ADORA1: variants seen among roughly 807,000 people sequenced by gnomAD.
ADORA1 encodes the protein adenosine receptor A1.
A neutral mutation model predicts 19.9 loss-of-function variants in ADORA1; 6 were observed. The observed-to-expected ratio is 0.30, with a 90% CI of 0.17 to 0.59. The LOEUF (loss-of-function observed/expected upper bound fraction) is 0.59, where lower values mean the gene tolerates loss of function less well. ADORA1 is among the 20% of genes least tolerant of loss of function. The pLI is 0.87. For synonymous variants in ADORA1, 194 were observed against 188.4 expected (o/e 1.03, Z -0.24); for missense variants, 302 against 439.2 (o/e 0.69, Z 2.79).
intron 3 of ADORA1, 146 bp downstream of exon 3, chr1:203,129,328 C>T: frequency 7.0e-7 from 1 of 1,424,700 alleles, no homozygotes; most frequent in Non-Finnish European, 9.2e-7. Flanking sequence ...CTCTGCCTTT[C>T]CGTGCTCCGC....
Position 203,165,271 on chromosome 1 carries a change from G to A in ADORA1, c.352G>A (p.Val118Met), listed in dbSNP as rs80069893. Residue 118 changes from valine to methionine, a missense_variant, in exon 4 of 4, where the codon GTG becomes ATG. Physicochemically the swap from Val to Met is conservative, Grantham distance 21. Coordinates refer to ENST00000337894, the MANE Select transcript of ADORA1 (RefSeq NM_000674.3). This position sits in a 1 kb window ranked among gnomAD's most constrained non-coding sequence, Gnocchi z 5.9. ...RVKIPLRYKMVVTPRRAAVAI... is the reference protein window; with the variant it reads ...RVKIPLRYKMMVTPRRAAVAI... ...CCTCCTCTCCCCCAGGTACAAGATG[G>A]TGGTGACCCCCCGGAGGGCGGCGGT... 1.9e-6 allele frequency: 3 copies of A among 1,584,266 alleles called. No individual in the cohort carries two copies. Among genetic ancestry groups the A allele is most frequent in the Admixed American group, 1.8e-5 (1 of 55,498 alleles).
chr1:203,162,352 C>A (rs1045536260), intron 3 of ADORA1, among the ~76,000 whole-genome samples: 1 of 152,140 alleles, frequency 6.6e-6, no homozygotes, highest in Non-Finnish European at 1.5e-5. Flanking sequence ...ACCCCGGGGG[C>A]TCTGGGTGGT....
intron 3 of ADORA1, among the ~76,000 whole-genome samples, chr1:203,163,639 T>C (rs537175986): frequency 6.6e-6 from 1 of 152,204 alleles, no homozygotes; most frequent in East Asian, 1.9e-4. Context: ...GAAAATGAGA[T>C]TCCAAAGGTC....
chr1:203,146,267 G>A (rs1405492671), intron 3 of ADORA1, among the ~76,000 whole-genome samples: 1 of 152,152 alleles, frequency 6.6e-6, no homozygotes, highest in East Asian at 1.9e-4. Context: ...TGCAAGGCTG[G>A]TATCAACTTC....
intron 3 of ADORA1, among the ~76,000 whole-genome samples, chr1:203,148,393 A>G (rs1379749828): frequency 3.9e-5 from 6 of 152,214 alleles, no homozygotes; most frequent in Admixed American, 6.5e-5. Flanking sequence ...CTCAATGCTA[A>G]ATGGTAGCTC....
rs114611988 is a variant in ADORA1 at position 203,156,254 on chromosome 1, G to A, written c.342-9007G>A. The stretch of plus-strand genomic sequence containing the variant: ...GAAGAGAGGGTGTGAGAGAGAGGGA[G>A]GAGGGAGAGAGTCAGGAAATGCTAT... On this transcript the variant is annotated intron_variant, in intron 3 of 3. Coordinates refer to ENST00000337894, the MANE Select transcript of ADORA1 (RefSeq NM_000674.3). 6.9e-3 allele frequency among the ~76,000 whole-genome samples: 1,057 copies of A among 152,242 alleles called. 9 individuals carry two copies. The highest frequency in any genetic ancestry group is 0.024 in the African/African-American group (1,008 of 41,532).
intron 3 of ADORA1, among the ~76,000 whole-genome samples, chr1:203,161,632 C>T (rs1279582213): frequency 6.7e-6 from 1 of 149,344 alleles, no homozygotes; most frequent in African/African-American, 2.5e-5. Context: ...TGTGCAATGG[C>T]GCGATCTTGG....
At chr1:203,150,674 G>T (rs1336038699) in intron 3 of ADORA1, 2 of 1,289,858 alleles carry the variant, frequency 1.6e-6, no homozygotes, top group Non-Finnish European at 2.0e-6. Context: ...GCAGCAGGAA[G>T]AACTGAAGTT....
chr1:203,149,026 T>TGA (rs1654949556), intron 3 of ADORA1, among the ~76,000 whole-genome samples: 1 of 152,086 alleles, frequency 6.6e-6, no homozygotes, highest in Non-Finnish European at 1.5e-5. Context: ...TACAGGTGCA[T>TGA]GCCACCAAGA....
chr1:203,162,759 C>T (rs939414586), intron 3 of ADORA1, among the ~76,000 whole-genome samples: 1 of 152,200 alleles, frequency 6.6e-6, no homozygotes, highest in Non-Finnish European at 1.5e-5. Context: ...TGGGGATTCC[C>T]TTATCTGCTG....
In ADORA1 at chr1:203,161,907, C is replaced by G. The variant is rs147165895; in HGVS notation, c.342-3354C>G. Reference sequence around the variant, plus strand: ...GGCTATCTTTAAGGTACTGTCTGCCCTGCTGGCCTGTGGACGGGGCCCCTC... The same window carrying G: ...GGCTATCTTTAAGGTACTGTCTGCCGTGCTGGCCTGTGGACGGGGCCCCTC... On this transcript the variant is annotated intron_variant, in intron 3 of 3. Coordinates refer to ENST00000337894, the MANE Select transcript of ADORA1 (RefSeq NM_000674.3). Among the ~76,000 whole-genome samples, 672 of 152,294 alleles carry G rather than the reference C, an allele frequency of 4.4e-3. 6 individuals are homozygous for G. The highest frequency in any genetic ancestry group is 7.5e-3 in the Non-Finnish European group (511 of 68,020).
Position 203,165,867 on chromosome 1 carries a change from C to T in ADORA1, c.948C>T (p.Asp316=), listed in dbSNP as rs202104893. The change falls in exon 4 of 4, where the codon GAC becomes GAT. Residue 316 remains aspartate, a synonymous_variant. Coordinates refer to ENST00000337894, the MANE Select transcript of ADORA1 (RefSeq NM_000674.3). The surrounding 1 kb of genome is among the most constrained non-coding windows in gnomAD (Gnocchi z 5.9). ...GCTGCCAGCCTGCACCTCCCATTGACGAGGATCTCCCAGAAGAGAGGCCTG... is the reference window on the plus strand; with the variant it reads ...GCTGCCAGCCTGCACCTCCCATTGATGAGGATCTCCCAGAAGAGAGGCCTG... ...HFRCQPAPPI[D]EDLPEERPDD 6.4e-5 allele frequency: 101 copies of T among 1,580,278 alleles called. No individual in the cohort carries two copies. The highest frequency in any genetic ancestry group is 2.6e-4 in the South Asian group (22 of 83,858).
At chr1:203,132,046 T>G (rs780202753) in intron 3 of ADORA1, among the ~76,000 whole-genome samples, 16 of 152,182 alleles carry the variant, frequency 1.1e-4, no homozygotes, top group Non-Finnish European at 1.8e-4. Context: ...TCTTTCTACT[T>G]GGCAGAAAAC....
In ADORA1 at chr1:203,128,880, C is replaced by T. The variant is rs1303681408; in HGVS notation, c.39C>T (p.Ile13=). The change falls in exon 3 of 4, where the codon ATC becomes ATT. Residue 13 remains isoleucine, a synonymous_variant. Coordinates refer to ENST00000337894, the MANE Select transcript of ADORA1 (RefSeq NM_000674.3). This position sits in a 1 kb window ranked among gnomAD's most constrained non-coding sequence, Gnocchi z 5.9. The part of the protein sequence containing the change: ...PSISAFQAAY[I]GIEVLIALVS... ...TCTCAGCTTTCCAGGCCGCCTACAT[C>T]GGCATCGAGGTGCTCATCGCCCTGG... The T allele has an allele frequency of 6.2e-7, 1 of 1,610,166 alleles. No homozygotes were observed. The highest frequency in any genetic ancestry group is 2.2e-5 in the East Asian group (1 of 44,840).
In ADORA1 at chr1:203,129,098, C is replaced by T. The variant is rs749278208; in HGVS notation, c.257C>T (p.Pro86Leu). ...CACACCTGCCTCATGGTTGCCTGTC[C>T]GGTCCTCATCCTCACCCAGAGCTCC... ...YFHTCLMVAC[P>L]VLILTQSSIL... The change falls in exon 3 of 4, where the codon CCG (proline) becomes CTG (leucine). Residue 86 changes from proline (P) to leucine (L), a missense_variant. By Grantham distance (98) the Pro-to-Leu change is moderately conservative. Coordinates refer to ENST00000337894, the MANE Select transcript of ADORA1 (RefSeq NM_000674.3). 1.2e-6 allele frequency: 2 copies of T among 1,614,174 alleles called. No homozygotes were observed. The highest frequency in any genetic ancestry group is 1.7e-5 in the Admixed American group (1 of 60,018).
At chr1:203,163,136 C>A (rs925299087) in intron 3 of ADORA1, among the ~76,000 whole-genome samples, 1 of 152,296 alleles carries the variant, frequency 6.6e-6, no homozygotes, top group South Asian at 2.1e-4. Context: ...TTTAAATAGC[C>A]CTTAGGCTGT....
At chr1:203,136,218 C>T (rs1654502557) in intron 3 of ADORA1, among the ~76,000 whole-genome samples, 1 of 152,148 alleles carries the variant, frequency 6.6e-6, no homozygotes, top group Admixed American at 6.5e-5. Context: ...GCCTGGCAGG[C>T]AGGTGGTCGT....
intron 3 of ADORA1, among the ~76,000 whole-genome samples, chr1:203,131,453 G>A (rs867957075): frequency 3.3e-5 from 5 of 152,190 alleles, no homozygotes; most frequent in Non-Finnish European, 5.9e-5. Context: ...CTCAGTAAAC[G>A]TTGATTGAAT....
In ADORA1 at chr1:203,166,057, C is replaced by T; in HGVS notation, c.*157C>T. On this transcript the variant is annotated 3_prime_UTR_variant, in exon 4 of 4. Coordinates refer to ENST00000337894, the MANE Select transcript of ADORA1 (RefSeq NM_000674.3). ...AAGAGATACCCACAGAGTGTGGTCC[C>T]TCCACTAGGAGTTAACTACCCTACA... is the stretch of plus-strand genomic sequence containing the variant. 1 of 1,015,898 alleles carries T rather than the reference C, an allele frequency of 9.8e-7. No homozygotes were observed. Among genetic ancestry groups the T allele is most frequent in the Non-Finnish European group, 1.4e-6 (1 of 740,706 alleles). 62.9% of individuals were successfully genotyped at this position (1,015,898 alleles called of 1,614,324 possible). A position where few individuals can be genotyped will look rare whatever the true frequency, so the allele number is the denominator to read the frequency against.
Sources: allele counts gnomAD v4.1 joint callset (sites outside exome capture counted in the v4.1 genomes callset), GRCh38; gene constraint gnomAD v4.1.1; non-coding constraint Gnocchi (gnomAD v3.1); transcripts MANE v1.5; gene names NCBI Gene and HGNC (gene_info 2026-07-23, HGNC 2026-07-21).